Variants in RHD observed in about 807,000 individuals in gnomAD.
RHD encodes blood group Rh(D) polypeptide.
In RHD, 16 loss-of-function variants were observed where a neutral mutation model predicts 45.5. The observed-to-expected ratio is 0.35, with a 90% CI of 0.24 to 0.53. The LOEUF (loss-of-function observed/expected upper bound fraction) is 0.53, where lower values mean the gene tolerates loss of function less well. RHD is among the 20% of genes least tolerant of loss of function. The pLI is 0.92. For missense variants in RHD, 306 were observed against 532.0 expected (o/e 0.58, Z 4.18); for synonymous variants, 131 against 217.5 (o/e 0.60, Z 3.50).
rs190103270 is a variant in RHD at position 25,287,719 on chromosome 1, A to C, written c.336-2922A>C. 2.9e-3 allele frequency among the ~76,000 whole-genome samples: 392 copies of C among 135,380 alleles called. 53 individuals are homozygous for C. The highest frequency in any genetic ancestry group is 8.6e-3 in the African/African-American group (339 of 39,404). 88.8% of individuals were successfully genotyped at this position (135,380 alleles called of 152,430 possible). The stretch of plus-strand genomic sequence containing the variant: ...ACGGAACTCTGAAGTGGGATGTTTT[A>C]AAATTTTATTTATTTTTTTAGAGAC... On this transcript the variant is annotated intron_variant, in intron 2 of 9. Transcript: ENST00000328664.
intron 7 of RHD, chr1:25,307,892 T>C: frequency 1.8e-6 from 2 of 1,136,758 alleles, no homozygotes; most frequent in Non-Finnish European, 2.5e-6. Context: ...GTTCCAGTGA[T>C]GTGTCTGCCA....
chr1:25,299,963 T>C lies in RHD; in HGVS notation c.487-983T>C, dbSNP rs1643259152. Among the ~76,000 whole-genome samples, 2 of 130,898 alleles carry C rather than the reference T, an allele frequency of 1.5e-5. 1 individual carries two copies. The highest frequency in any genetic ancestry group is 5.3e-5 in the African/African-American group (2 of 38,080). The allele number at this position is 130,898 out of a possible 152,430, so 85.9% of individuals were successfully genotyped here. On this transcript the variant is annotated intron_variant, in intron 3 of 9. Coordinates refer to ENST00000328664, the MANE Select transcript of RHD (RefSeq NM_016124.6). ...CAGGGTTTTGCCATGTTGGCCAGGCTGGTATCGAACTCCTGACCTCAGGTG... is the reference window on the plus strand; with the variant it reads ...CAGGGTTTTGCCATGTTGGCCAGGCCGGTATCGAACTCCTGACCTCAGGTG...
At chr1:25,286,958 C>T (rs1201043768) in intron 2 of RHD, among the ~76,000 whole-genome samples, 11 of 130,944 alleles carry the variant, frequency 8.4e-5, no homozygotes, top group Non-Finnish European at 1.8e-4. Flanking sequence ...CTGGGTGTGG[C>T]GGCAGGCACC....
chr1:25,293,490 A>G (rs1324083160), intron 3 of RHD, among the ~76,000 whole-genome samples: 1 of 131,910 alleles, frequency 7.6e-6, no homozygotes, highest in East Asian at 1.9e-4. Flanking sequence ...TTTTAGAACA[A>G]GTAGAATACA....
chr1:25,316,618 GAAA>G (rs1171433774), intron 7 of RHD, among the ~76,000 whole-genome samples: 78 of 40,598 alleles, frequency 1.9e-3, no homozygotes, highest in Admixed American at 4.0e-3. Flanking sequence ...AACAAAAACA[GAAA>G]AAAAAAAAAA....
rs567654945 is a variant in RHD at position 25,282,873 on chromosome 1, C to T, written c.149-1700C>T. Reference sequence around the variant, plus strand: ...TCGCACCACTGCACTCCAACCTGGGCAACAGAGAGACTCTGTCTCGAAAAA... The same window carrying T: ...TCGCACCACTGCACTCCAACCTGGGTAACAGAGAGACTCTGTCTCGAAAAA... On this transcript the variant is annotated intron_variant, in intron 1 of 9. Coordinates refer to ENST00000328664, the MANE Select transcript of RHD (RefSeq NM_016124.6). Among the ~76,000 whole-genome samples, 494 of 129,006 alleles carry T rather than the reference C, an allele frequency of 3.8e-3. 121 individuals carry two copies. Among genetic ancestry groups the T allele is most frequent in the Non-Finnish European group, 6.6e-3 (362 of 54,542 alleles). 84.6% of individuals were successfully genotyped at this position (129,006 alleles called of 152,430 possible). A position where few individuals can be genotyped will look rare whatever the true frequency, so the allele number is the denominator to read the frequency against.
Position 25,299,000 on chromosome 1 carries a change from G to A in RHD, c.487-1946G>A, listed in dbSNP as rs1479413778. Among the ~76,000 whole-genome samples, 6 of 122,282 alleles carry A rather than the reference G, an allele frequency of 4.9e-5. 1 individual carries two copies. Among genetic ancestry groups the A allele is most frequent in the Non-Finnish European group, 1.1e-4 (6 of 52,432 alleles). The allele number at this position is 122,282 out of a possible 152,430, so 80.2% of individuals were successfully genotyped here. On this transcript the variant is annotated intron_variant, in intron 3 of 9. Transcript: ENST00000328664. The stretch of plus-strand genomic sequence containing the variant: ...AGCCATATGGGTACCTGAGAACAGC[G>A]GCAGAACAATGGCAGGGTGCTGGGA...
rs1056458092 is a variant in RHD at position 25,315,066 on chromosome 1, T to C, written c.1074-1934T>C. On this transcript the variant is annotated intron_variant, in intron 7 of 9. Transcript: ENST00000328664. ...AAAAATACAAAAAATTAGCTGGGCG[T>C]TGTGGCTCTTGCCTGTAGTCTCAGC... 1.0e-4 allele frequency among the ~76,000 whole-genome samples: 13 copies of C among 128,502 alleles called. 2 individuals are homozygous for C. The highest frequency in any genetic ancestry group is 5.3e-4 in the Admixed American group (7 of 13,128). The allele number at this position is 128,502 out of a possible 152,430, so 84.3% of individuals were successfully genotyped here. A position where few individuals can be genotyped will look rare whatever the true frequency, so the allele number is the denominator to read the frequency against.
At chr1:25,306,826 G>A (rs1311514947) in intron 7 of RHD, 97 bp downstream of exon 7, 2 of 1,107,992 alleles carry the variant, frequency 1.8e-6, no homozygotes. Context: ...TGCACTCGGG[G>A]CCAGGTGCTC....
intron 7 of RHD, among the ~76,000 whole-genome samples, chr1:25,312,957 T>TAAAAAAAAAAAAAAAAAAAAAAAAAA (rs1491188755): frequency 8.2e-5 from 2 of 24,432 alleles, no homozygotes; most frequent in Admixed American, 5.3e-4. Flanking sequence ...AAAAAAAAAC[T>TAAAAAAAAAAAAAAAAAAAAAAAAAA]TTAGTGCTAT....
At chr1:25,302,179 G>C (rs1643436789) in intron 5 of RHD, among the ~76,000 whole-genome samples, 1 of 131,528 alleles carries the variant, frequency 7.6e-6, no homozygotes. Context: ...TTAAGAGATG[G>C]TGCATGTAAA....
rs1643497569 is a variant in RHD at position 25,302,907 on chromosome 1, G to A, written c.802-415G>A. On this transcript the variant is annotated intron_variant, in intron 5 of 9. Coordinates refer to ENST00000328664, the MANE Select transcript of RHD (RefSeq NM_016124.6). ...ACCTGTAATCCCAATATTTTGGGAG[G>A]CTGAGGCAAGAGGATTGGTTGAGGC... Among the ~76,000 whole-genome samples the A allele has an allele frequency of 2.3e-5, 3 of 130,766 alleles. 1 individual carries two copies. The highest frequency in any genetic ancestry group is 5.4e-5 in the Non-Finnish European group (3 of 55,456). 85.8% of individuals were successfully genotyped at this position (130,766 alleles called of 152,430 possible).
At chr1:25,322,467 GTTCGAGACCA>G (rs1481624371) in intron 9 of RHD, among the ~76,000 whole-genome samples, 1 of 132,956 alleles carries the variant, frequency 7.5e-6, no homozygotes, top group Non-Finnish European at 1.8e-5. Context: ...GAGGCCAGGA[GTTCGAGACCA>G]GCCTGGCCAA....
chr1:25,321,809 A>T (rs561624876), intron 8 of RHD, 80 bp from the exon 9 acceptor site: 6 of 757,158 alleles, frequency 7.9e-6, no homozygotes, highest in Non-Finnish European at 2.3e-6. Context: ...TGTCGTTTTG[A>T]CACACAATAT....
rs1349573362 is a variant in RHD, at chr1:25,329,526, A to G, written c.*602A>G. ...CCAAAGTGCTGGAACCACAGGCCTGAGCCACTGTGCCCAGCCTTGTTTGCT... is the reference window on the plus strand; with the variant it reads ...CCAAAGTGCTGGAACCACAGGCCTGGGCCACTGTGCCCAGCCTTGTTTGCT... On this transcript the variant is annotated 3_prime_UTR_variant, in exon 10 of 10. Coordinates refer to ENST00000328664, the MANE Select transcript of RHD (RefSeq NM_016124.6). The G allele has an allele frequency of 2.6e-5, 5 of 194,582 alleles. 2 individuals carry two copies. The highest frequency in any genetic ancestry group is 7.6e-5 in the African/African-American group (3 of 39,634). 12.1% of individuals were successfully genotyped at this position (194,582 alleles called of 1,614,324 possible).
At chr1:25,302,395 G>C (rs528762910) in intron 5 of RHD, among the ~76,000 whole-genome samples, 2 of 123,656 alleles carry the variant, frequency 1.6e-5, no homozygotes, top group East Asian at 2.0e-4. Flanking sequence ...GGAGGCACTG[G>C]GGGGGCTGGA....
rs1367266488 is a variant in RHD at position 25,307,044 on chromosome 1, G to A, written c.1073+315G>A. ...GCCAATTGAGACTGTGGTTCAGGTC[G>A]TGATGCAGAGCTTTGCTGTGGACGT... On this transcript the variant is annotated intron_variant, in intron 7 of 9. Coordinates refer to ENST00000328664, the MANE Select transcript of RHD (RefSeq NM_016124.6). 6.1e-5 allele frequency: 21 copies of A among 342,104 alleles called. 8 individuals carry two copies. The highest frequency in any genetic ancestry group is 1.5e-4 in the South Asian group (7 of 45,982). The allele number at this position is 342,104 out of a possible 1,614,324, so 21.2% of individuals were successfully genotyped here.
Position 25,303,844 on chromosome 1 carries a change from A to G in RHD, c.939+385A>G, listed in dbSNP as rs1459935041. ...CATGCTTCCTCCTCTTTCACCCCAC[A>G]TTGTGGGGTGTAGTCTTTTGCTTCA... is the stretch of plus-strand genomic sequence containing the variant. On this transcript the variant is annotated intron_variant, in intron 6 of 9. Transcript: ENST00000328664. 1.6e-4 allele frequency among the ~76,000 whole-genome samples: 20 copies of G among 126,618 alleles called. 2 individuals carry two copies. The highest frequency in any genetic ancestry group is 5.5e-4 in the African/African-American group (20 of 36,464). 83.1% of individuals were successfully genotyped at this position (126,618 alleles called of 152,430 possible).
rs1341474791 is a variant in RHD at position 25,274,539 on chromosome 1, G to A, written c.148+1844G>A. ...GGTCCACAACCCAGGCAGGGGAGACGATGGTGTCAGGGGAGGGAGGTGACT... is the reference window on the plus strand; with the variant it reads ...GGTCCACAACCCAGGCAGGGGAGACAATGGTGTCAGGGGAGGGAGGTGACT... On this transcript the variant is annotated intron_variant, in intron 1 of 9. Coordinates refer to ENST00000328664, the MANE Select transcript of RHD (RefSeq NM_016124.6). Among the ~76,000 whole-genome samples, 5 of 132,874 alleles carry A rather than the reference G, an allele frequency of 3.8e-5. 2 individuals carry two copies. Among genetic ancestry groups the A allele is most frequent in the Admixed American group, 1.5e-4 (2 of 13,686 alleles). The allele number at this position is 132,874 out of a possible 152,430, so 87.2% of individuals were successfully genotyped here.
Sources: allele counts gnomAD v4.1 joint callset (sites outside exome capture counted in the v4.1 genomes callset), GRCh38; gene constraint gnomAD v4.1.1; transcripts MANE v1.5; gene names NCBI Gene and HGNC (gene_info 2026-07-23, HGNC 2026-07-21).